CFDP1: variants seen among roughly 807,000 people sequenced by gnomAD.
CFDP1 encodes the protein heterochromatin-stabilizing protein CFDP1.
Under a neutral mutation model 40.1 loss-of-function variants are expected in CFDP1, and 31 were observed. The ratio of observed to expected loss-of-function variants is 0.77; its 90% CI spans 0.58 to 1.04. The LOEUF (loss-of-function observed/expected upper bound fraction) is 1.04. CFDP1 is among the 50% of genes least tolerant of loss of function. The pLI, the probability that CFDP1 is intolerant of heterozygous loss-of-function variation, is 0.00. For synonymous variants in CFDP1, 167 were observed against 120.0 expected, an observed-to-expected ratio of 1.39 and a Z score of -2.56; for missense variants, 423 against 343.4, an observed-to-expected ratio of 1.23 and a Z score of -1.83.
chr16:75,432,411 C>T (rs896807456), intron 1 of CFDP1, among the ~76,000 whole-genome samples: 1 of 141,048 alleles, frequency 7.1e-6, no homozygotes, highest in East Asian at 2.0e-4. Flanking sequence ...AATTAGCGGG[C>T]GTGGCAGCCT....
rs2078527603 is a variant in CFDP1, at chr16:75,341,632, G to A, written c.651-36450C>T. Reference sequence around the variant, plus strand: ...GCAATTTGGGAAGGCTTCTTTGACAGCAGAAGGTTTCAGCAGAGTGTAGAA... The same window carrying A: ...GCAATTTGGGAAGGCTTCTTTGACAACAGAAGGTTTCAGCAGAGTGTAGAA... On this transcript the variant is annotated intron_variant, in intron 5 of 6. Coordinates refer to ENST00000283882, the MANE Select transcript of CFDP1 (RefSeq NM_006324.3). Among the ~76,000 whole-genome samples, 4 of 151,618 alleles carry A rather than the reference G, an allele frequency of 2.6e-5. No homozygotes were observed. The South Asian group carries it at 8.3e-4, about 32-fold the overall frequency.
chr16:75,304,899 G>A, intron 6 of CFDP1, 125 bp downstream of exon 6: 7 of 1,015,218 alleles, frequency 6.9e-6, no homozygotes, highest in Admixed American at 2.2e-5. Flanking sequence ...AAACCAAAGT[G>A]CTCACATTTT....
chr16:75,394,837 T>G (rs2078983132), intron 5 of CFDP1: 1 of 276,600 alleles, frequency 3.6e-6, no homozygotes. Flanking sequence ...TAATTTTTTT[T>G]TTTTTAAGAG....
At chr16:75,341,011 ATT>A (rs2151520345) in intron 5 of CFDP1, among the ~76,000 whole-genome samples, 1 of 152,134 alleles carries the variant, frequency 6.6e-6, no homozygotes, top group East Asian at 1.9e-4. Flanking sequence ...TAAAAAAAAT[ATT>A]TTCATGATGA....
chr16:75,294,474 G>C (rs1458207434), intron 6 of CFDP1, among the ~76,000 whole-genome samples: 1 of 152,080 alleles, frequency 6.6e-6, no homozygotes, highest in Non-Finnish European at 1.5e-5. Flanking sequence ...TGGTGGGTAA[G>C]AGAAAGCTAG....
chr16:75,335,053 G>A (rs2078476702), intron 5 of CFDP1, among the ~76,000 whole-genome samples: 1 of 152,184 alleles, frequency 6.6e-6, no homozygotes, highest in South Asian at 2.1e-4. Flanking sequence ...GTGTGTGGAA[G>A]CTGAGATATG....
chr16:75,368,068 C>T (rs1163709415), intron 5 of CFDP1, among the ~76,000 whole-genome samples: 1 of 152,070 alleles, frequency 6.6e-6, no homozygotes, highest in Non-Finnish European at 1.5e-5. Flanking sequence ...CGCACCGTGC[C>T]CTCTGGCCAC....
chr16:75,383,817 TAAAA>T (rs35216321), intron 5 of CFDP1, among the ~76,000 whole-genome samples: 4 of 127,402 alleles, frequency 3.1e-5, no homozygotes, highest in Non-Finnish European at 3.2e-5. Flanking sequence ...GACTCCGTCT[TAAAA>T]AAAAAAAAAA....
At chr16:75,397,263 C>T (rs915636911) in intron 4 of CFDP1, among the ~76,000 whole-genome samples, 2 of 151,540 alleles carry the variant, frequency 1.3e-5, no homozygotes, top group East Asian at 2.0e-4. Context: ...GCCTGTAATC[C>T]CAGCATTTTG....
intron 5 of CFDP1, among the ~76,000 whole-genome samples, chr16:75,313,660 A>C (rs1283397890): frequency 6.6e-6 from 1 of 152,196 alleles, no homozygotes; most frequent in Non-Finnish European, 1.5e-5. Context: ...AGGTGTGCGA[A>C]TGTTCATTCC....
chr16:75,397,497 C>T (rs1211736684), intron 4 of CFDP1, among the ~76,000 whole-genome samples: 1 of 151,672 alleles, frequency 6.6e-6, no homozygotes, highest in Non-Finnish European at 1.5e-5. Flanking sequence ...CAGAGCAAGA[C>T]TCCGTCTCAA....
intron 6 of CFDP1, among the ~76,000 whole-genome samples, chr16:75,298,462 C>T (rs2078199656): frequency 6.6e-6 from 1 of 152,148 alleles, no homozygotes; most frequent in Non-Finnish European, 1.5e-5. Context: ...GAGGACACTC[C>T]AAAGCTGCAT....
At chr16:75,328,600 A>T (rs935853080) in intron 5 of CFDP1, among the ~76,000 whole-genome samples, 23 of 69,830 alleles carry the variant, frequency 3.3e-4, no homozygotes, top group Non-Finnish European at 4.9e-4. Context: ...ACTCTGTCTT[A>T]AAAAAAAAAA....
At chr16:75,298,832 C>T (rs554079721) in intron 6 of CFDP1, among the ~76,000 whole-genome samples, 1 of 152,210 alleles carries the variant, frequency 6.6e-6, no homozygotes, top group Non-Finnish European at 1.5e-5. Context: ...GAAAGAGTGA[C>T]CCTGAGGAGT....
chr16:75,335,200 C>T (rs2078478016), intron 5 of CFDP1, among the ~76,000 whole-genome samples: 1 of 152,164 alleles, frequency 6.6e-6, no homozygotes, highest in African/African-American at 2.4e-5. Context: ...CTTCAAACGC[C>T]CTGAGGTATC....
chr16:75,412,040 G>C (rs1266089164), intron 3 of CFDP1, 88 bp from the exon 4 acceptor site: 1 of 1,345,058 alleles, frequency 7.4e-7, no homozygotes, highest in East Asian at 2.5e-5. Context: ...CTTTGAGATA[G>C]CGTCTCACTC....
intron 5 of CFDP1, among the ~76,000 whole-genome samples, chr16:75,317,368 C>G (rs1417360994): frequency 6.6e-6 from 1 of 152,240 alleles, no homozygotes; most frequent in Non-Finnish European, 1.5e-5. Flanking sequence ...CAATTTCCTT[C>G]TTTGAACCAC....
At chr16:75,393,092 C>A (rs1260424654) in intron 5 of CFDP1, among the ~76,000 whole-genome samples, 2 of 152,190 alleles carry the variant, frequency 1.3e-5, no homozygotes, top group Non-Finnish European at 2.9e-5. Flanking sequence ...AGCCTGAGGA[C>A]AGAGGGCAAG....
At chr16:75,374,224 G>A (rs769655416) in intron 5 of CFDP1, among the ~76,000 whole-genome samples, 2 of 151,874 alleles carry the variant, frequency 1.3e-5, no homozygotes, top group Non-Finnish European at 2.9e-5. Flanking sequence ...CTGCACTCCC[G>A]AGACTGTCTC....
Sources: gnomAD v4.1 joint callset for allele counts (sites outside exome capture counted in the v4.1 genomes callset) on GRCh38, gnomAD v4.1.1 for gene constraint, MANE v1.5 for transcripts, NCBI Gene and HGNC (gene_info 2026-07-23, HGNC 2026-07-21) for gene names.